NIPBL: variants seen among roughly 807,000 people sequenced by gnomAD.
The protein encoded by NIPBL is NIPBL cohesin loading factor, also known as nipped-B-like protein.
A neutral mutation model predicts 321.8 loss-of-function variants in NIPBL; 19 were observed. That is an observed-to-expected ratio of 0.06 (90% CI 0.04 to 0.09). NIPBL has a LOEUF of 0.09. Ranked by LOEUF, NIPBL falls within the 10% of genes least tolerant of loss-of-function variation. The pLI is 1.00. For missense variants in NIPBL, 2,210 were observed against 3,327.0 expected (o/e 0.66, Z 8.26); for synonymous variants, 1,106 against 1,114.1 (o/e 0.99, Z 0.14).
intron 1 of NIPBL, among the ~76,000 whole-genome samples, chr5:36,892,597 A>G (rs1746424559): frequency 6.6e-6 from 1 of 152,214 alleles, no homozygotes; most frequent in Admixed American, 6.5e-5. Context: ...ACCATGGAAT[A>G]CTATGCAGCC....
chr5:37,027,603 G>GTTTTTTTTT lies in NIPBL; in HGVS notation c.5862+208_5862+216dup, dbSNP rs781358128. ...TAATTAATTCAGTTGCCTGGTTGTG[G>GTTTTTTTTT]TTTTTTTTTTTTTTTTTTTTTTTTT... On this transcript the variant is annotated intron_variant, in intron 32 of 46. Transcript: ENST00000282516. Among the ~76,000 whole-genome samples the GTTTTTTTTT allele has an allele frequency of 2.6e-4, 18 of 69,766 alleles. 1 individual carries two copies. The highest frequency in any genetic ancestry group is 3.2e-4 in the Non-Finnish European group (13 of 40,876). 45.8% of individuals were successfully genotyped at this position (69,766 alleles called of 152,430 possible).
intron 32 of NIPBL, among the ~76,000 whole-genome samples, chr5:37,036,172 A>G (rs919169564): frequency 1.3e-5 from 2 of 151,780 alleles, no homozygotes; most frequent in Admixed American, 6.6e-5. Flanking sequence ...TTACTGGTTT[A>G]TAAGATATTT....
At chr5:36,879,119 T>C (rs1472971685) in intron 1 of NIPBL, among the ~76,000 whole-genome samples, 8 of 152,182 alleles carry the variant, frequency 5.3e-5, no homozygotes. Flanking sequence ...CTTCATATAT[T>C]CCTGTGATTG....
At chr5:37,057,043 C>A in intron 42 of NIPBL, 143 bp from the exon 43 acceptor site, 1 of 762,098 alleles carries the variant, frequency 1.3e-6, no homozygotes, top group Non-Finnish European at 2.2e-6. Flanking sequence ...CTGTGTCTCT[C>A]CCCACTCTCT....
rs587783983 is a variant in NIPBL, at chr5:37,026,281, A to G, written c.5762A>G (p.Asn1921Ser). ...QKLWFTPTPH[N>S]DKEAMTRKIL... ...CTCTGGTTTACTCCAACTCCACACA[A>G]TGACAAAGAAGCAATGACAAGGAAA... The change falls in exon 31 of 47, where the codon AAT becomes AGT. Residue 1921 changes from asparagine (N) to serine (S), a missense_variant. This residue lies in a region of NIPBL where 69 missense variants were observed against 100.8 expected (regional missense o/e 0.68). Coordinates refer to ENST00000282516, the MANE Select transcript of NIPBL (RefSeq NM_133433.4). 15 of 1,612,260 alleles carry G rather than the reference A, an allele frequency of 9.3e-6. No individual in the cohort carries two copies. The highest frequency in any genetic ancestry group is 2.7e-5 in the African/African-American group (2 of 74,896).
At chr5:37,028,358 A>C (rs1173161064) in intron 32 of NIPBL, among the ~76,000 whole-genome samples, 1 of 81,758 alleles carries the variant, frequency 1.2e-5, no homozygotes, top group African/African-American at 8.4e-5. Context: ...TTTTTTTGAG[A>C]TAGAGTCTCA....
chr5:36,911,536 T>C (rs1398835216), intron 1 of NIPBL, among the ~76,000 whole-genome samples: 1 of 152,230 alleles, frequency 6.6e-6, no homozygotes, highest in East Asian at 1.9e-4. Flanking sequence ...TGTTATTTTC[T>C]ACATTGTACT....
chr5:36,894,999 TCA>T (rs1189737889), intron 1 of NIPBL, among the ~76,000 whole-genome samples: 1 of 152,200 alleles, frequency 6.6e-6, no homozygotes, highest in Non-Finnish European at 1.5e-5. Flanking sequence ...GGAAAATATC[TCA>T]CACTCTTATA....
At chr5:37,062,048 G>A (rs1184172951) in intron 45 of NIPBL, among the ~76,000 whole-genome samples, 2 of 152,144 alleles carry the variant, frequency 1.3e-5, no homozygotes. Context: ...CACCATGTTG[G>A]CCAGGCTGGT....
intron 1 of NIPBL, among the ~76,000 whole-genome samples, chr5:36,946,234 C>G (rs1739656753): frequency 6.6e-6 from 1 of 151,872 alleles, no homozygotes; most frequent in Non-Finnish European, 1.5e-5. Flanking sequence ...GACCTTAGTT[C>G]TTAGCATAGT....
chr5:37,022,786 A>G (rs971243063), intron 29 of NIPBL, among the ~76,000 whole-genome samples: 6 of 152,328 alleles, frequency 3.9e-5, no homozygotes, highest in Non-Finnish European at 2.9e-5. Context: ...GAACGTTGGT[A>G]CCTGACAATA....
At chr5:37,036,102 T>G (rs1252490948) in intron 32 of NIPBL, among the ~76,000 whole-genome samples, 1 of 151,990 alleles carries the variant, frequency 6.6e-6, no homozygotes, top group Non-Finnish European at 1.5e-5. Context: ...ACGTATTACC[T>G]TAGGTCTTAC....
At chr5:37,057,860 A>T (rs1447867762) in intron 43 of NIPBL, among the ~76,000 whole-genome samples, 1 of 152,214 alleles carries the variant, frequency 6.6e-6, no homozygotes, top group East Asian at 1.9e-4. Context: ...GGAGGAATGT[A>T]ATTTATTTAA....
intron 32 of NIPBL, among the ~76,000 whole-genome samples, chr5:37,033,730 A>ATTTTTTTTTTT (rs58081432): frequency 1.1e-3 from 24 of 21,504 alleles, no homozygotes; most frequent in Admixed American, 1.7e-3. Flanking sequence ...ATATATATAT[A>ATTTTTTTTTTT]TTTTTTTTTT....
chr5:36,888,595 A>T (rs985275653), intron 1 of NIPBL, among the ~76,000 whole-genome samples: 1 of 152,164 alleles, frequency 6.6e-6, no homozygotes, highest in Non-Finnish European at 1.5e-5. Flanking sequence ...ATGCTGTGGG[A>T]TATGATACCA....
At chr5:37,041,139 ATCTT>A (rs1752295447) in intron 34 of NIPBL, among the ~76,000 whole-genome samples, 1 of 148,092 alleles carries the variant, frequency 6.8e-6, no homozygotes, top group South Asian at 2.1e-4. Context: ...AATGGTTTCC[ATCTT>A]TCTTTAAATT....
chr5:36,888,748 C>G (rs754637555), intron 1 of NIPBL, among the ~76,000 whole-genome samples: 1 of 152,016 alleles, frequency 6.6e-6, no homozygotes, highest in Non-Finnish European at 1.5e-5. Context: ...GAAATTACCC[C>G]TCCAGCCCAC....
At chr5:36,988,635 T>C (rs1745119296) in intron 10 of NIPBL, among the ~76,000 whole-genome samples, 1 of 152,112 alleles carries the variant, frequency 6.6e-6, no homozygotes. Context: ...TACTGACCCT[T>C]TGTAGTATAT....
chr5:36,933,639 C>G (rs543491376), intron 1 of NIPBL, among the ~76,000 whole-genome samples: 2 of 152,100 alleles, frequency 1.3e-5, no homozygotes, highest in South Asian at 4.1e-4. Context: ...TTAATTAAAT[C>G]TAAGGCTGAG....
Sources: allele counts gnomAD v4.1 joint callset (sites outside exome capture counted in the v4.1 genomes callset), GRCh38; gene constraint gnomAD v4.1.1; regional missense constraint gnomAD v4.1.1; transcripts MANE v1.5; gene names NCBI Gene and HGNC (gene_info 2026-07-23, HGNC 2026-07-21).